TET3: variants seen among roughly 807,000 people sequenced by gnomAD.
TET3 encodes tet methylcytosine dioxygenase 3.
TET3 carries 19 observed loss-of-function variants against 141.4 expected under a neutral mutation model. That is an observed-to-expected ratio of 0.13 (90% CI 0.09 to 0.20). The LOEUF is 0.20. Ranked by LOEUF, TET3 falls within the 10% of genes least tolerant of loss-of-function variation. The pLI, the probability that TET3 is intolerant of heterozygous loss-of-function variation, is 1.00. For synonymous variants in TET3, 1,043 were observed against 980.9 expected (o/e 1.06, Z -1.18); for missense variants, 1,874 against 2,356.9 (o/e 0.80, Z 4.24).
rs1418554371 is a variant in TET3 at position 74,047,461 on chromosome 2, C to T, written c.1544C>T (p.Ser515Phe). ...CTTCAGAGGGAGGCTCCCACGCCATCCTCGGAGCCCGACACCCACCAGAAG... is the reference window on the plus strand; with the variant it reads ...CTTCAGAGGGAGGCTCCCACGCCATTCTCGGAGCCCGACACCCACCAGAAG... ...PVLQREAPTP[S>F]SEPDTHQKAQ... The change falls in exon 4 of 12, where the codon TCC becomes TTC. Residue 515 changes from serine (S) to phenylalanine (F), a missense_variant. Ser to Phe is a radical substitution (Grantham distance 155, BLOSUM62 -2). Around this residue, in one of 10 missense-constraint regions of TET3, gnomAD observed 484 missense variants for 462.2 expected, o/e 1.05. Coordinates refer to ENST00000409262, the MANE Select transcript of TET3 (RefSeq NM_001287491.2). The T allele has an allele frequency of 1.2e-6, 2 of 1,612,506 alleles. No homozygotes were observed. The highest frequency in any genetic ancestry group is 1.1e-5 in the South Asian group (1 of 91,040).
At chr2:74,006,066 C>T (rs1207155688) in intron 3 of TET3, among the ~76,000 whole-genome samples, 1 of 145,098 alleles carries the variant, frequency 6.9e-6, no homozygotes, top group Non-Finnish European at 1.5e-5. Flanking sequence ...TGCCTTCTGT[C>T]TCTCCTTTTG....
intron 3 of TET3, among the ~76,000 whole-genome samples, chr2:74,044,665 A>C (rs942905323): frequency 6.6e-6 from 1 of 152,220 alleles, no homozygotes; most frequent in Non-Finnish European, 1.5e-5. Context: ...CAGCATCGCG[A>C]AAGTGTTGCT....
Position 74,105,653 on chromosome 2 carries a change from C to T in TET3, c.*3477C>T. 1 of 348,736 alleles carries T rather than the reference C, an allele frequency of 2.9e-6. No homozygotes were observed. Among genetic ancestry groups the T allele is most frequent in the Non-Finnish European group, 5.1e-6 (1 of 194,630 alleles). The allele number at this position is 348,736 out of a possible 1,614,324, so 21.6% of individuals were successfully genotyped here. Reference sequence around the variant, plus strand: ...CCCCTCTTGGTCCTTCCACCAGCCTCTTTTGGGAACAGTAGTTTGCAGAGC... The same window carrying T: ...CCCCTCTTGGTCCTTCCACCAGCCTTTTTTGGGAACAGTAGTTTGCAGAGC... On this transcript the variant is annotated 3_prime_UTR_variant, in exon 12 of 12. Coordinates refer to ENST00000409262, the MANE Select transcript of TET3 (RefSeq NM_001287491.2).
intron 2 of TET3, among the ~76,000 whole-genome samples, chr2:73,990,016 A>G (rs1443187494): frequency 2.0e-5 from 3 of 152,222 alleles, no homozygotes; most frequent in Non-Finnish European, 4.4e-5. Context: ...TAATCAATGC[A>G]TGATGACAAA....
intron 3 of TET3, among the ~76,000 whole-genome samples, chr2:74,012,535 C>T (rs1685514074): frequency 6.6e-6 from 1 of 152,216 alleles, no homozygotes; most frequent in Non-Finnish European, 1.5e-5. Flanking sequence ...AACTGAGATT[C>T]AGTCCAGGAG....
intron 10 of TET3, among the ~76,000 whole-genome samples, chr2:74,097,167 C>T (rs1004218416): frequency 6.5e-5 from 9 of 138,232 alleles, no homozygotes; most frequent in African/African-American, 1.5e-4. Flanking sequence ...TAATGTAATC[C>T]GATTTGTAGT....
chr2:74,037,179 G>A (rs1687111779), intron 3 of TET3, among the ~76,000 whole-genome samples: 1 of 152,170 alleles, frequency 6.6e-6, no homozygotes, highest in South Asian at 2.1e-4. Context: ...TGCAAGAACA[G>A]GCAGATGTGC....
chr2:74,052,466 G>A (rs1057442792), intron 4 of TET3, among the ~76,000 whole-genome samples: 1 of 151,824 alleles, frequency 6.6e-6, no homozygotes, highest in Admixed American at 6.6e-5. Flanking sequence ...CATAGAAGTG[G>A]GGGTGAAATA....
At chr2:74,125,542 A>G in the TET3 span, among the ~76,000 whole-genome samples, 1 of 152,216 alleles carries the variant, frequency 6.6e-6, no homozygotes, top group Non-Finnish European at 1.5e-5. Context: ...GAAATTCCAT[A>G]AACATTTCTT....
Position 74,054,734 on chromosome 2 carries a change from A to G in TET3, c.2494+6323A>G, listed in dbSNP as rs144994826. ...GAGGAGAGGGTATGTTAAAGAACCA[A>G]TGGATAGTTTCAAGGTCGGGAGGGC... On this transcript the variant is annotated intron_variant, in intron 4 of 11. Coordinates refer to ENST00000409262, the MANE Select transcript of TET3 (RefSeq NM_001287491.2). Among the ~76,000 whole-genome samples, 16 of 152,324 alleles carry G rather than the reference A, an allele frequency of 1.1e-4. No homozygotes were observed. The East Asian group carries it at 2.7e-3, about 26-fold the overall frequency.
chr2:74,084,455 C>CTT (rs752192332), intron 6 of TET3, among the ~76,000 whole-genome samples: 27 of 142,688 alleles, frequency 1.9e-4, no homozygotes, highest in African/African-American at 6.4e-4. Context: ...ATGTCTCTCT[C>CTT]TTTTTTTTTT....
Position 73,986,522 on chromosome 2 carries a change from G to A in TET3, c.119G>A (p.Ser40Asn), listed in dbSNP as rs961179898. 7.3e-6 allele frequency: 9 copies of A among 1,232,138 alleles called. No homozygotes were observed. In the African/African-American group the frequency reaches 1.2e-4, roughly 17 times the overall value. 76.3% of individuals were successfully genotyped at this position (1,232,138 alleles called of 1,614,324 possible). ...FPGSGLSMAGSESQLRGGGDG... is the reference protein window; with the variant it reads ...FPGSGLSMAGNESQLRGGGDG... ...GGGTCTGGGCTCTCCATGGCTGGGAGTGAGTCCCAACTCCGAGGGGGTGGA... is the reference window on the plus strand; with the variant it reads ...GGGTCTGGGCTCTCCATGGCTGGGAATGAGTCCCAACTCCGAGGGGGTGGA... The change falls in exon 2 of 12, where the codon AGT becomes AAT. Residue 40 changes from serine to asparagine, a missense_variant. By Grantham distance (46) the Ser-to-Asn change is conservative. Coordinates refer to ENST00000409262, the MANE Select transcript of TET3 (RefSeq NM_001287491.2).
chr2:74,009,813 C>T (rs957211761), intron 3 of TET3, among the ~76,000 whole-genome samples: 94 of 152,330 alleles, frequency 6.2e-4, no homozygotes, highest in African/African-American at 2.2e-3. Context: ...AGGGGGCTGC[C>T]CAGCCAGGAC....
At chr2:74,127,562 T>C in the TET3 span, among the ~76,000 whole-genome samples, 3 of 152,226 alleles carry the variant, frequency 2.0e-5, no homozygotes, top group Non-Finnish European at 2.9e-5. Context: ...CCAGCCATCC[T>C]ATATCAGATG....
chr2:74,099,314 C>G lies in TET3; in HGVS notation c.3306C>G (p.Gly1102=). 1 of 1,611,132 alleles carries G rather than the reference C, an allele frequency of 6.2e-7. No individual in the cohort carries two copies. The highest frequency in any genetic ancestry group is 1.3e-5 in the African/African-American group (1 of 74,952). ...CCAAGGAAGACAATCGCTGCGTGGG[C>G]AAGATTCCCGAGGATGAGCAGCTGC... is the stretch of plus-strand genomic sequence containing the variant. ...TLTKEDNRCV[G]KIPEDEQLHV... is the part of the protein sequence containing the mutation. Residue 1102 remains glycine (G), a synonymous_variant, in exon 11 of 12, where the codon GGC becomes GGG. Coordinates refer to ENST00000409262, the MANE Select transcript of TET3 (RefSeq NM_001287491.2).
At chr2:74,009,729 G>T (rs1235380546) in intron 3 of TET3, among the ~76,000 whole-genome samples, 2 of 152,212 alleles carry the variant, frequency 1.3e-5, no homozygotes, top group Non-Finnish European at 2.9e-5. Flanking sequence ...AGCAGAGAGG[G>T]CCTCTAAGGA....
Position 74,047,086 on chromosome 2 carries a change from C to A in TET3, c.1169C>A (p.Pro390His), listed in dbSNP as rs750695618. The change falls in exon 4 of 12, where the codon CCT becomes CAT. Residue 390 changes from proline (P) to histidine (H), a missense_variant. Physicochemically the swap from Pro to His is moderately conservative, Grantham distance 77 (BLOSUM62 -2). This residue lies in a region of TET3 where 484 missense variants were observed against 462.2 expected (regional missense o/e 1.05). Coordinates refer to ENST00000409262, the MANE Select transcript of TET3 (RefSeq NM_001287491.2). ...ASCPLPEALS[P>H]PAPFRSPQSY... is the part of the protein sequence containing the mutation. ...TGCCCCCTTCCTGAGGCCTTGTCAC[C>A]TCCTGCCCCTTTCAGATCTCCCCAG... 6.2e-7 allele frequency: 1 copy of A among 1,614,000 alleles called. No homozygotes were observed. The highest frequency in any genetic ancestry group is 1.7e-5 in the Admixed American group (1 of 60,032).
rs893734858 is a variant in TET3, at chr2:73,986,818, C to A, written c.303+112C>A. The A allele has an allele frequency of 1.4e-5, 14 of 1,028,416 alleles. No individual in the cohort carries two copies. In the Admixed American group the frequency reaches 4.7e-4, roughly 34 times the overall value. 63.7% of individuals were successfully genotyped at this position (1,028,416 alleles called of 1,614,324 possible). On this transcript the variant is annotated intron_variant, in intron 2 of 11. Coordinates refer to ENST00000409262, the MANE Select transcript of TET3 (RefSeq NM_001287491.2). The stretch of plus-strand genomic sequence containing the variant: ...TGAGTCCATTCTCTCATTTCTGATC[C>A]TCTTGGTCCAACTTTAAGTAGGAGT...
rs1460414206 is a variant in TET3 at position 73,986,625 on chromosome 2, C to T, written c.222C>T (p.Ser74=). ...RRLENCGACT[S]CTNRRTHQIC... ...TGGAAAACTGTGGCGCTTGCACTAG[C>T]TGTACCAACCGCCGCACGCACCAGA... Residue 74 remains serine, a synonymous_variant, in exon 2 of 12, where the codon AGC becomes AGT. Transcript: ENST00000409262. 3.1e-5 allele frequency: 38 copies of T among 1,232,038 alleles called. No homozygotes were observed. The highest frequency in any genetic ancestry group is 4.7e-5 in the African/African-American group (3 of 64,418). 76.3% of individuals were successfully genotyped at this position (1,232,038 alleles called of 1,614,324 possible).
Sources: allele counts gnomAD v4.1 joint callset (sites outside exome capture counted in the v4.1 genomes callset), GRCh38; gene constraint gnomAD v4.1.1; regional missense constraint gnomAD v4.1.1; transcripts MANE v1.5; gene names NCBI Gene and HGNC (gene_info 2026-07-23, HGNC 2026-07-21).